Variants in CSMD1 observed in about 807,000 individuals in gnomAD.
CSMD1 encodes CUB and Sushi multiple domains 1.
CSMD1 carries 213 observed loss-of-function variants against 417.5 expected under a neutral mutation model. The observed-to-expected ratio is 0.51, with a 90% confidence interval of 0.46 to 0.57. The LOEUF (loss-of-function observed/expected upper bound fraction) is 0.57. Among genes scored for constraint, CSMD1 ranks in the 20% least tolerant of loss-of-function variants. The pLI is 0.00. For missense variants in CSMD1, 6,923 were observed against 4,529.7 expected, an observed-to-expected ratio of 1.53 and a Z score of -15.17; for synonymous variants, 2,862 against 1,736.8, an observed-to-expected ratio of 1.65 and a Z score of -16.11.
At chr8:3,621,426 G>A (rs1452927526) in intron 7 of CSMD1, among the ~76,000 whole-genome samples, 1 of 152,118 alleles carries the variant, frequency 6.6e-6, no homozygotes, top group African/African-American at 2.4e-5. Context: ...GGTTTTGCCA[G>A]GGGCTGGGGC....
At chr8:3,656,086 C>T (rs565704060) in intron 7 of CSMD1, among the ~76,000 whole-genome samples, 19 of 152,296 alleles carry the variant, frequency 1.2e-4, no homozygotes, top group African/African-American at 3.6e-4. Flanking sequence ...ACCCCTGCTA[C>T]ACACAGATGC....
intron 10 of CSMD1, among the ~76,000 whole-genome samples, chr8:3,554,805 G>T (rs190331909): frequency 6.6e-6 from 1 of 152,162 alleles, no homozygotes; most frequent in South Asian, 2.1e-4. Context: ...TTTCAACAGT[G>T]TGTCAAGTGA....
chr8:3,373,930 A>G lies in CSMD1; in HGVS notation c.2783-4560T>C, dbSNP rs575359430. Among the ~76,000 whole-genome samples the G allele has an allele frequency of 3.3e-5, 5 of 150,558 alleles. No homozygotes were observed. The East Asian group carries it at 6.0e-4, about 18-fold the overall frequency. On this transcript the variant is annotated intron_variant, in intron 18 of 69. Coordinates refer to ENST00000635120, the MANE Select transcript of CSMD1 (RefSeq NM_033225.6). ...ATACGTTGTGATATTTTCCTGGCTGAGTTGAAGTAAAGCATCCAACTATTT... is the reference window on the plus strand; with the variant it reads ...ATACGTTGTGATATTTTCCTGGCTGGGTTGAAGTAAAGCATCCAACTATTT...
intron 5 of CSMD1, among the ~76,000 whole-genome samples, chr8:3,823,695 A>T (rs1801878328): frequency 6.6e-6 from 1 of 152,164 alleles, no homozygotes; most frequent in African/African-American, 2.4e-5. Context: ...TATATGTTTG[A>T]ACCATTTAAC....
At chr8:3,418,312 G>A (rs891089371) in intron 12 of CSMD1, among the ~76,000 whole-genome samples, 3 of 152,084 alleles carry the variant, frequency 2.0e-5, no homozygotes, top group African/African-American at 7.2e-5. Context: ...CTTGTCTCAT[G>A]GAGACCATGA....
chr8:4,127,436 G>C (rs1204157780), intron 3 of CSMD1, among the ~76,000 whole-genome samples: 1 of 118,606 alleles, frequency 8.4e-6, no homozygotes, highest in South Asian at 2.8e-4. Context: ...AAAGGACACA[G>C]TTTTCCAAGC....
chr8:4,502,841 AGTAG>A (rs1338716237), intron 2 of CSMD1, among the ~76,000 whole-genome samples: 8 of 152,148 alleles, frequency 5.3e-5, no homozygotes. Flanking sequence ...TGCTGCCCAT[AGTAG>A]GTACTCAGTT....
chr8:4,215,369 T>A (rs1200902638), intron 3 of CSMD1, among the ~76,000 whole-genome samples: 3 of 152,096 alleles, frequency 2.0e-5, no homozygotes, highest in African/African-American at 7.2e-5. Context: ...TTGCAAAAAT[T>A]TTAGATAGAA....
intron 5 of CSMD1, among the ~76,000 whole-genome samples, chr8:3,769,670 C>G (rs940731923): frequency 2.6e-5 from 4 of 151,880 alleles, no homozygotes; most frequent in African/African-American, 9.7e-5. Context: ...CTTTGTATAT[C>G]TATATATATA....
chr8:3,499,202 T>G (rs139376955), intron 10 of CSMD1, among the ~76,000 whole-genome samples: 4 of 152,332 alleles, frequency 2.6e-5, no homozygotes, highest in African/African-American at 9.6e-5. Flanking sequence ...GGTGCTTTGG[T>G]TTGTATTCTG....
intron 48 of CSMD1, among the ~76,000 whole-genome samples, chr8:3,088,066 G>A (rs1328164491): frequency 6.6e-6 from 1 of 152,176 alleles, no homozygotes; most frequent in East Asian, 1.9e-4. Flanking sequence ...AATCTTTGAA[G>A]AAAATGCATT....
chr8:4,701,902 C>G (rs1374081789), intron 1 of CSMD1, among the ~76,000 whole-genome samples: 5 of 152,152 alleles, frequency 3.3e-5, no homozygotes, highest in African/African-American at 1.2e-4. Context: ...ATGTGGCACA[C>G]GTACACTGTG....
chr8:4,644,011 A>T (rs991929429), intron 1 of CSMD1, among the ~76,000 whole-genome samples: 1 of 152,150 alleles, frequency 6.6e-6, no homozygotes, highest in African/African-American at 2.4e-5. Context: ...CTTATGGGAG[A>T]TTACTCACTA....
At chr8:4,987,405 GC>G (rs1483931193) in intron 1 of CSMD1, among the ~76,000 whole-genome samples, 1 of 152,134 alleles carries the variant, frequency 6.6e-6, no homozygotes, top group Non-Finnish European at 1.5e-5. Flanking sequence ...TTAGGAAAAC[GC>G]TCAGTGCCTT....
At chr8:4,290,179 A>C (rs1251183779) in intron 3 of CSMD1, among the ~76,000 whole-genome samples, 2 of 152,172 alleles carry the variant, frequency 1.3e-5, no homozygotes, top group Admixed American at 6.5e-5. Flanking sequence ...AGTTGCGTGG[A>C]CTTTTGAAAG....
intron 25 of CSMD1, among the ~76,000 whole-genome samples, chr8:3,298,818 G>A (rs1205693362): frequency 6.6e-6 from 1 of 152,182 alleles, no homozygotes; most frequent in Non-Finnish European, 1.5e-5. Flanking sequence ...TGATTGTCCT[G>A]GAGAAGAGAC....
At chr8:4,561,090 G>A (rs1798310991) in intron 2 of CSMD1, among the ~76,000 whole-genome samples, 1 of 152,222 alleles carries the variant, frequency 6.6e-6, no homozygotes, top group South Asian at 2.1e-4. Context: ...TGAAAACATC[G>A]ACCAGGTGCA....
At chr8:4,686,204 T>A (rs918983064) in intron 1 of CSMD1, among the ~76,000 whole-genome samples, 1 of 152,238 alleles carries the variant, frequency 6.6e-6, no homozygotes, top group African/African-American at 2.4e-5. Context: ...CCTTTGGAGT[T>A]AGTAAGGCTT....
At chr8:4,460,611 GA>G (rs1554486666) in intron 2 of CSMD1, among the ~76,000 whole-genome samples, 18 of 151,672 alleles carry the variant, frequency 1.2e-4, no homozygotes, top group East Asian at 3.9e-4. Context: ...TAAAATGGGG[GA>G]AAAAAAGGTA....
Sources: gnomAD v4.1 joint callset for allele counts (sites outside exome capture counted in the v4.1 genomes callset) on GRCh38, gnomAD v4.1.1 for gene constraint, MANE v1.5 for transcripts, NCBI Gene and HGNC (gene_info 2026-07-23, HGNC 2026-07-21) for gene names.